The following VAV2 variants were observed in gnomAD, a reference collection of about 807,000 sequenced individuals.
The protein encoded by VAV2 is guanine nucleotide exchange factor VAV2.
In VAV2, 67 loss-of-function variants were observed where a neutral mutation model predicts 132.5. That is an observed-to-expected ratio of 0.51 (90% CI 0.42 to 0.62). The LOEUF (loss-of-function observed/expected upper bound fraction) is 0.62, where lower values mean the gene tolerates loss of function less well. VAV2 is among the 20% of genes least tolerant of loss of function. The pLI, the probability that VAV2 is intolerant of heterozygous loss-of-function variation, is 0.00. For synonymous variants in VAV2, 492 were observed against 443.5 expected, an observed-to-expected ratio of 1.11 and a Z score of -1.37; for missense variants, 938 against 1,153.6, an observed-to-expected ratio of 0.81 and a Z score of 2.71.
intron 19 of VAV2, among the ~76,000 whole-genome samples, chr9:133,782,691 G>C (rs1406568152): frequency 6.6e-6 from 1 of 152,232 alleles, no homozygotes; most frequent in Admixed American, 6.5e-5. Context: ...AAGACCCAGA[G>C]ACTCGGCCTG....
At chr9:133,764,476 C>T (rs184558499) in intron 29 of VAV2, among the ~76,000 whole-genome samples, 2 of 152,292 alleles carry the variant, frequency 1.3e-5, no homozygotes, top group East Asian at 3.9e-4. Flanking sequence ...TAGAAATCAA[C>T]CCACAGGTAT....
rs58155949 is a variant in VAV2 at position 133,802,323 on chromosome 9, TAC to T, written c.836+3756_836+3757del. 0.049 allele frequency among the ~76,000 whole-genome samples: 6,957 copies of T among 141,754 alleles called. 195 individuals carry two copies. The highest frequency in any genetic ancestry group is 0.13 in the Middle Eastern group (35 of 270). The allele number at this position is 141,754 out of a possible 152,430, so 93.0% of individuals were successfully genotyped here. A position where few individuals can be genotyped will look rare whatever the true frequency, so the allele number is the denominator to read the frequency against. On this transcript the variant is annotated intron_variant, in intron 9 of 29. Transcript: ENST00000371850. This position sits in a 1 kb window ranked among gnomAD's most constrained non-coding sequence, Gnocchi z 5.8. ...GCACACAAACACACAAGCACGCGTG[TAC>T]ACACACACACACACACACACACACA... is the stretch of plus-strand genomic sequence containing the variant.
chr9:133,818,123 G>C (rs985961419), intron 4 of VAV2, among the ~76,000 whole-genome samples: 2 of 152,148 alleles, frequency 1.3e-5, no homozygotes, highest in Non-Finnish European at 2.9e-5. Context: ...TCAGCACTTT[G>C]GGGGGCCGAG....
chr9:133,777,245 C>T, intron 23 of VAV2, 144 bp downstream of exon 23: 2 of 780,864 alleles, frequency 2.6e-6, no homozygotes, highest in Non-Finnish European at 4.3e-6. Context: ...CTCTGGGCTC[C>T]AGCTCCAGGA....
intron 12 of VAV2, 137 bp from the exon 13 acceptor site, chr9:133,792,006 T>C: frequency 5.2e-6 from 1 of 193,696 alleles, no homozygotes; most frequent in Non-Finnish European, 8.7e-6. Flanking sequence ...TGACTGTGTG[T>C]GAATGAGCTG....
intron 1 of VAV2, among the ~76,000 whole-genome samples, chr9:133,946,184 AC>A (rs1489368805): frequency 6.6e-6 from 1 of 152,026 alleles, no homozygotes; most frequent in Non-Finnish European, 1.5e-5. Flanking sequence ...TTAGCCCGCC[AC>A]CCCGCTGGCC....
intron 17 of VAV2, among the ~76,000 whole-genome samples, chr9:133,785,134 C>A (rs552216676): frequency 7.2e-5 from 11 of 152,080 alleles, no homozygotes; most frequent in Admixed American, 1.3e-4. Context: ...CCCTTTCGAT[C>A]CTCCCAAAAA....
intron 2 of VAV2, among the ~76,000 whole-genome samples, chr9:133,867,855 G>A (rs562227252): frequency 2.0e-5 from 3 of 152,336 alleles, no homozygotes; most frequent in South Asian, 2.1e-4. Flanking sequence ...TCCACCTGGC[G>A]CCGGCTCAGC....
chr9:133,782,089 T>C (rs1423252433), intron 19 of VAV2, among the ~76,000 whole-genome samples: 1 of 148,196 alleles, frequency 6.7e-6, no homozygotes, highest in African/African-American at 2.5e-5. Flanking sequence ...AATCAGTAAT[T>C]AATAATCCGG....
Position 133,992,219 on chromosome 9 carries a change from G to A in VAV2, c.60C>T (p.Asn20=), listed in dbSNP as rs759340867. 1.9e-6 allele frequency: 3 copies of A among 1,594,116 alleles called. No individual in the cohort carries two copies. The highest frequency in any genetic ancestry group is 2.3e-5 in the East Asian group (1 of 43,420). The part of the protein sequence containing the change: ...WLIDCKVLPP[N]HRVVWPSAVV... Reference sequence around the variant, plus strand: ...CGGCCGAGGGCCACACCACCCGGTGGTTGGGCGGCAGGACCTTGCAATCGA... The same window carrying A: ...CGGCCGAGGGCCACACCACCCGGTGATTGGGCGGCAGGACCTTGCAATCGA... The change falls in exon 1 of 30, where the codon AAC becomes AAT. Residue 20 remains asparagine, a synonymous_variant. Transcript: ENST00000371850. The surrounding 1 kb of genome is among the most constrained non-coding windows in gnomAD (Gnocchi z 5.5).
rs964647117 is a variant in VAV2 at position 133,912,918 on chromosome 9, GA to G, written c.321+26184del. On this transcript the variant is annotated intron_variant, in intron 2 of 29. Transcript: ENST00000371850. The surrounding 1 kb of genome is among the most constrained non-coding windows in gnomAD (Gnocchi z 4.3). ...TCCTGATCCTGGTGACTTTAAGGAG[GA>G]AAATCCAACTTCAGCCAGCACAGTC... 2.0e-5 allele frequency among the ~76,000 whole-genome samples: 3 copies of G among 152,140 alleles called. No homozygotes were observed. The highest frequency in any genetic ancestry group is 7.2e-5 in the African/African-American group (3 of 41,414).
chr9:133,780,614 A>G, intron 20 of VAV2, 80 bp downstream of exon 20: 1 of 1,279,642 alleles, frequency 7.8e-7, no homozygotes, highest in East Asian at 3.1e-5. Context: ...AAAGGCAGAC[A>G]ATTGGGTCTT....
chr9:133,804,205 A>G lies in VAV2; in HGVS notation c.836+1876T>C, dbSNP rs976112071. On this transcript the variant is annotated intron_variant, in intron 9 of 29. Coordinates refer to ENST00000371850, the MANE Select transcript of VAV2 (RefSeq NM_001134398.2). The surrounding 1 kb of genome is among the most constrained non-coding windows in gnomAD (Gnocchi z 4.5). The stretch of plus-strand genomic sequence containing the variant: ...TTGGGGCCGAATCCGAAATGAGAGG[A>G]AAGGGGCAAAAAAGCTGGATGCTGG... Among the ~76,000 whole-genome samples, 4 of 152,190 alleles carry G rather than the reference A, an allele frequency of 2.6e-5. No individual in the cohort carries two copies. The highest frequency in any genetic ancestry group is 5.9e-5 in the Non-Finnish European group (4 of 68,024).
At chr9:133,911,441 A>G (rs1257428328) in intron 2 of VAV2, among the ~76,000 whole-genome samples, 1 of 152,184 alleles carries the variant, frequency 6.6e-6, no homozygotes, top group Non-Finnish European at 1.5e-5. Flanking sequence ...CCATACCTCT[A>G]TGGAGGTATG....
chr9:133,958,226 G>T lies in VAV2; in HGVS notation c.205-19007C>A, dbSNP rs112373329. ...GTGCTGAGGAGGATTAGTAAAAGAG[G>T]AAGGCATGCCTCTTGCAGTTGAGAC... On this transcript the variant is annotated intron_variant, in intron 1 of 29. Transcript: ENST00000371850. Among the ~76,000 whole-genome samples the T allele has an allele frequency of 2.4e-5, 3 of 123,566 alleles. 1 individual carries two copies. The highest frequency in any genetic ancestry group is 8.5e-5 in the African/African-American group (3 of 35,494). 81.1% of individuals were successfully genotyped at this position (123,566 alleles called of 152,430 possible). A position where few individuals can be genotyped will look rare whatever the true frequency, so the allele number is the denominator to read the frequency against.
chr9:133,849,080 G>C (rs2502733), intron 3 of VAV2, among the ~76,000 whole-genome samples: 15 of 152,136 alleles, frequency 9.9e-5, no homozygotes, highest in Non-Finnish European at 1.9e-4. Flanking sequence ...CTGAAGAGGC[G>C]GCCTTGGTTT....
At chr9:133,812,063 G>A (rs762139153) in intron 5 of VAV2, 51 bp downstream of exon 5, 1 of 1,575,164 alleles carries the variant, frequency 6.3e-7, no homozygotes, top group South Asian at 1.1e-5. Context: ...GGGCCAGGCT[G>A]CTCTGCGAGG....
intron 20 of VAV2, among the ~76,000 whole-genome samples, chr9:133,780,459 T>TG (rs1271505935): frequency 6.6e-6 from 1 of 152,078 alleles, no homozygotes; most frequent in Non-Finnish European, 1.5e-5. Context: ...GAGCAGCCAC[T>TG]GGGCAAGGGA....
In VAV2 at chr9:133,965,322, TA is replaced by T. The variant is rs34190461; in HGVS notation, c.205-26104del. On this transcript the variant is annotated intron_variant, in intron 1 of 29. Transcript: ENST00000371850. ...GGCCAACATGGTGAAACCCCATCTC[TA>T]AAAAAAAAAAATAATAATAACAAAA... Among the ~76,000 whole-genome samples, 242 of 142,854 alleles carry T rather than the reference TA, an allele frequency of 1.7e-3. 1 individual carries two copies. In the East Asian group the frequency reaches 0.017, roughly 10 times the overall value. The allele number at this position is 142,854 out of a possible 152,430, so 93.7% of individuals were successfully genotyped here.
Sources: gnomAD v4.1 joint callset for allele counts (sites outside exome capture counted in the v4.1 genomes callset) on GRCh38, gnomAD v4.1.1 for gene constraint, Gnocchi (gnomAD v3.1) non-coding constraint, MANE v1.5 for transcripts, NCBI Gene and HGNC (gene_info 2026-07-23, HGNC 2026-07-21) for gene names.